GMDS: variants seen among roughly 807,000 people sequenced by gnomAD.
GMDS encodes the protein GDP-mannose 4,6-dehydratase.
A neutral mutation model predicts 49.9 loss-of-function variants in GMDS; 20 were observed. The ratio of observed to expected loss-of-function variants is 0.40; its 90% confidence interval spans 0.28 to 0.58. GMDS has a LOEUF of 0.58. Among genes scored for constraint, GMDS ranks in the 20% least tolerant of loss-of-function variants. GMDS has a pLI of 0.42. For synonymous variants in GMDS, 177 were observed against 178.6 expected (o/e 0.99, Z 0.07); for missense variants, 362 against 481.4 (o/e 0.75, Z 2.32).
chr6:1,750,877 C>T (rs78235220), intron 7 of GMDS, among the ~76,000 whole-genome samples: 5,661 of 152,220 alleles, frequency 0.037, 340 homozygotes, highest in African/African-American at 0.13. Flanking sequence ...GATGCCAGCG[C>T]TTGGTGGGGG....
At chr6:1,945,985 C>T (rs1298624217) in intron 6 of GMDS, among the ~76,000 whole-genome samples, 1 of 152,148 alleles carries the variant, frequency 6.6e-6, no homozygotes, top group East Asian at 1.9e-4. Context: ...GACTGAGTTA[C>T]AAGACAGCTT....
chr6:2,160,542 G>A (rs146373682), intron 1 of GMDS, among the ~76,000 whole-genome samples: 1 of 152,118 alleles, frequency 6.6e-6, no homozygotes, highest in Non-Finnish European at 1.5e-5. Flanking sequence ...AATTGTCATG[G>A]TTGTTATATA....
chr6:1,687,480 T>C (rs1485219629), intron 9 of GMDS, among the ~76,000 whole-genome samples: 1 of 151,652 alleles, frequency 6.6e-6, no homozygotes, highest in African/African-American at 2.4e-5. Flanking sequence ...CCAGAACGCT[T>C]CCCATTGGAT....
At chr6:2,101,155 G>GT (rs1408161914) in intron 4 of GMDS, among the ~76,000 whole-genome samples, 3 of 151,648 alleles carry the variant, frequency 2.0e-5, no homozygotes, top group Non-Finnish European at 4.4e-5. Context: ...ATAAAAAACA[G>GT]TTTTTTACTG....
At chr6:2,071,463 A>G (rs1771993332) in intron 4 of GMDS, among the ~76,000 whole-genome samples, 2 of 152,098 alleles carry the variant, frequency 1.3e-5, no homozygotes, top group South Asian at 4.1e-4. Context: ...AAATTTCTTG[A>G]GAACAAAGAC....
rs1774692439 is a variant in GMDS at position 2,113,812 on chromosome 6, G to A, written c.345+1959C>T. Among the ~76,000 whole-genome samples, 3 of 152,076 alleles carry A rather than the reference G, an allele frequency of 2.0e-5. No individual in the cohort carries two copies. In the South Asian group the frequency reaches 6.2e-4, roughly 32 times the overall value. ...ATGCATGACACCTTGCATGAGGTAT[G>A]CACTCAACAAATATTTGTTGGAAGA... On this transcript the variant is annotated intron_variant, in intron 4 of 10. Coordinates refer to ENST00000380815, the MANE Select transcript of GMDS (RefSeq NM_001500.4).
At chr6:1,663,772 T>A (rs775258300) in intron 9 of GMDS, among the ~76,000 whole-genome samples, 4 of 152,192 alleles carry the variant, frequency 2.6e-5, no homozygotes, top group African/African-American at 4.8e-5. Flanking sequence ...ATTTCCTTCA[T>A]GGCTCTGCTG....
At chr6:1,831,593 T>C (rs1756643425) in intron 7 of GMDS, among the ~76,000 whole-genome samples, 1 of 152,244 alleles carries the variant, frequency 6.6e-6, no homozygotes, top group African/African-American at 2.4e-5. Context: ...ACTCAGGCGA[T>C]AGAAGAAAGT....
intron 1 of GMDS, among the ~76,000 whole-genome samples, chr6:2,189,968 C>T (rs965679194): frequency 3.9e-5 from 6 of 152,166 alleles, no homozygotes; most frequent in Non-Finnish European, 8.8e-5. Flanking sequence ...TATGGGGTAA[C>T]TCGTGGTATC....
At chr6:1,968,456 T>G (rs2127314755) in intron 4 of GMDS, among the ~76,000 whole-genome samples, 1 of 152,318 alleles carries the variant, frequency 6.6e-6, no homozygotes. Flanking sequence ...CCAGGATCTT[T>G]GATGATCCTG....
intron 7 of GMDS, among the ~76,000 whole-genome samples, chr6:1,785,328 A>C (rs2113621425): frequency 6.6e-6 from 1 of 152,336 alleles, no homozygotes; most frequent in South Asian, 2.1e-4. Flanking sequence ...GGTCAAGAAA[A>C]ATTCTAACAA....
At chr6:1,757,910 A>G (rs933931883) in intron 7 of GMDS, among the ~76,000 whole-genome samples, 1 of 152,264 alleles carries the variant, frequency 6.6e-6, no homozygotes, top group Non-Finnish European at 1.5e-5. Flanking sequence ...TATATCCAGT[A>G]TGTTACCATT....
intron 7 of GMDS, among the ~76,000 whole-genome samples, chr6:1,876,238 AC>A (rs201411301): frequency 0.037 from 5,635 of 152,100 alleles, 308 homozygotes; most frequent in African/African-American, 0.13. Flanking sequence ...AACCTGGGCA[AC>A]AAGAGCGAAA....
chr6:1,628,023 G>T (rs1380199542), intron 9 of GMDS, among the ~76,000 whole-genome samples: 1 of 152,326 alleles, frequency 6.6e-6, no homozygotes, highest in Non-Finnish European at 1.5e-5. Context: ...CTGACTCACG[G>T]ACTGTGTGTA....
At chr6:2,218,349 C>T (rs914144492) in intron 1 of GMDS, among the ~76,000 whole-genome samples, 1 of 152,194 alleles carries the variant, frequency 6.6e-6, no homozygotes, top group Non-Finnish European at 1.5e-5. Flanking sequence ...CCATCTTTCT[C>T]CACCTCAAGT....
chr6:1,765,918 T>C (rs1389760060), intron 7 of GMDS, among the ~76,000 whole-genome samples: 1 of 152,150 alleles, frequency 6.6e-6, no homozygotes, highest in African/African-American at 2.4e-5. Flanking sequence ...AGGACTCTTC[T>C]CTCTGTCCTA....
intron 7 of GMDS, among the ~76,000 whole-genome samples, chr6:1,805,818 T>C (rs1770152634): frequency 6.6e-6 from 1 of 152,202 alleles, no homozygotes; most frequent in South Asian, 2.1e-4. Flanking sequence ...AAAAGTGCTT[T>C]TGGACCCTCA....
At chr6:1,846,133 C>T (rs1296419168) in intron 7 of GMDS, among the ~76,000 whole-genome samples, 1 of 147,370 alleles carries the variant, frequency 6.8e-6, no homozygotes, top group Admixed American at 6.8e-5. Flanking sequence ...TGCTCTGTGA[C>T]CCAGGCTGGA....
At chr6:1,865,849 G>C (rs1455630697) in intron 7 of GMDS, among the ~76,000 whole-genome samples, 3 of 151,944 alleles carry the variant, frequency 2.0e-5, no homozygotes, top group Non-Finnish European at 4.4e-5. Flanking sequence ...TCCGTGCACA[G>C]CCCCAAGAAA....
Sources: gnomAD v4.1 joint callset for allele counts (sites outside exome capture counted in the v4.1 genomes callset) on GRCh38, gnomAD v4.1.1 for gene constraint, MANE v1.5 for transcripts, NCBI Gene and HGNC (gene_info 2026-07-23, HGNC 2026-07-21) for gene names.